The following USP8 variants were observed in gnomAD, a reference collection of about 807,000 sequenced individuals.
USP8 encodes the protein ubiquitin specific peptidase 8.
Under a neutral mutation model 130.0 loss-of-function variants are expected in USP8, and 27 were observed. That is an observed-to-expected ratio of 0.21 (90% CI 0.15 to 0.29). USP8 has a LOEUF of 0.29. Among genes scored for constraint, USP8 ranks in the 10% least tolerant of loss-of-function variants. USP8 has a pLI of 1.00. For missense variants in USP8, 1,029 were observed against 1,312.2 expected (o/e 0.78, Z 3.33); for synonymous variants, 392 against 444.1 (o/e 0.88, Z 1.48).
At chr15:50,463,357 CCT>C (rs948592984) in intron 6 of USP8, 2 of 152,204 alleles carry the variant, frequency 1.3e-5, no homozygotes, top group African/African-American at 4.8e-5. Flanking sequence ...GAGACGTTTT[CCT>C]CTCTCAGAAA....
intron 3 of USP8, among the ~76,000 whole-genome samples, chr15:50,442,158 G>T (rs1203656584): frequency 2.0e-5 from 3 of 151,878 alleles, no homozygotes; most frequent in Non-Finnish European, 4.4e-5. Flanking sequence ...ATTTTTGGTA[G>T]AGATGGGGTT....
Position 50,511,067 on chromosome 15 carries a change from C to G in USP8, c.*11979C>G, listed in dbSNP as rs1490160848. 2 of 152,180 alleles carry G rather than the reference C, an allele frequency of 1.3e-5. No homozygotes were observed. The allele number at this position is 152,180 out of a possible 1,614,324, so 9.4% of individuals were successfully genotyped here. A position where few individuals can be genotyped will look rare whatever the true frequency, so the allele number is the denominator to read the frequency against. On this transcript the variant is annotated 3_prime_UTR_variant, in exon 20 of 20. Transcript: ENST00000307179. ...TGCTGGGATTACAGGCGTCAGCCACCGTGCCCGGCCGATGTACACCAATGT... is the reference window on the plus strand; with the variant it reads ...TGCTGGGATTACAGGCGTCAGCCACGGTGCCCGGCCGATGTACACCAATGT...
chr15:50,473,089 G>A (rs749763891), intron 8 of USP8, among the ~76,000 whole-genome samples: 9 of 152,212 alleles, frequency 5.9e-5, no homozygotes, highest in Non-Finnish European at 1.3e-4. Flanking sequence ...TGAAATGCAA[G>A]TGGACGTAAC....
At chr15:50,493,587 C>T (rs2052261746) in intron 15 of USP8, 1 of 468,498 alleles carries the variant, frequency 2.1e-6, no homozygotes, top group Admixed American at 2.3e-5. Flanking sequence ...AACTCCGTCT[C>T]TACAAAAATT....
rs2052127116 is a variant in USP8, at chr15:50,490,676, T to C, written c.2234+151T>C. The C allele has an allele frequency of 1.7e-5, 18 of 1,057,964 alleles. 1 individual carries two copies. In the South Asian group the frequency reaches 3.0e-4, roughly 18 times the overall value. The allele number at this position is 1,057,964 out of a possible 1,614,324, so 65.5% of individuals were successfully genotyped here. A position where few individuals can be genotyped will look rare whatever the true frequency, so the allele number is the denominator to read the frequency against. On this transcript the variant is annotated intron_variant, in intron 14 of 19. Coordinates refer to ENST00000307179, the MANE Select transcript of USP8 (RefSeq NM_005154.5). ...TATTTACCACAGAGAACAAAACAAATGAATAGAGAAAATGTTGTTGGTTTT... is the reference window on the plus strand; with the variant it reads ...TATTTACCACAGAGAACAAAACAAACGAATAGAGAAAATGTTGTTGGTTTT...
intron 18 of USP8, chr15:50,498,264 C>A: frequency 5.3e-6 from 1 of 187,542 alleles, no homozygotes. Context: ...GTCATTCTTT[C>A]TTTTGTGGTG....
At chr15:50,481,012 T>G (rs1391357367) in intron 10 of USP8, among the ~76,000 whole-genome samples, 1 of 150,802 alleles carries the variant, frequency 6.6e-6, no homozygotes, top group South Asian at 2.1e-4. Context: ...TGTGCAACTA[T>G]TGGGAGAGTG....
intron 4 of USP8, among the ~76,000 whole-genome samples, chr15:50,455,403 T>TA (rs1491461107): frequency 1.1e-4 from 17 of 152,038 alleles, no homozygotes; most frequent in African/African-American, 3.1e-4. Flanking sequence ...TGTGTGGTTC[T>TA]TTTTTATAGC....
At chr15:50,459,306 G>A (rs1016192273) in intron 5 of USP8, 144 bp downstream of exon 5, 3 of 1,211,320 alleles carry the variant, frequency 2.5e-6, no homozygotes, top group East Asian at 2.8e-5. Flanking sequence ...ATTTAAGGCT[G>A]GGCACGGTGG....
At chr15:50,484,530 T>G (rs554232336) in intron 12 of USP8, among the ~76,000 whole-genome samples, 169 bp downstream of exon 12, 1 of 152,346 alleles carries the variant, frequency 6.6e-6, no homozygotes, top group East Asian at 1.9e-4. Flanking sequence ...ATCAATCCAT[T>G]TATATGCTAA....
At position 50,482,005 on chromosome 15, in the gene USP8, G is replaced by C; in HGVS notation, c.1743G>C (p.Gln581His). The change falls in exon 11 of 20, where the codon CAG becomes CAC. Residue 581 changes from glutamine (Q) to histidine (H), a missense_variant. By Grantham distance (24) the Gln-to-His change is conservative. Transcript: ENST00000307179. ...AAAGGTGTCCAACCCCAGAAATACA[G>C]AAAAAGTCAACAGGAGATGTGCCCC... ...RGKRCPTPEI[Q>H]KKSTGDVPHT... 1 of 1,575,458 alleles carries C rather than the reference G, an allele frequency of 6.3e-7. No homozygotes were observed. Among genetic ancestry groups the C allele is most frequent in the Non-Finnish European group, 8.6e-7 (1 of 1,168,016 alleles).
chr15:50,465,114 T>C lies in USP8; in HGVS notation c.609T>C (p.Asp203=), dbSNP rs749447985. The part of the protein sequence containing the change: ...TDKNISLIIM[D]ARRMQDYQDS... ...AAAACATCAGCTTGATTATAATGGA[T>C]GCTCGAAGAATGCAGGATTATCAGG... Residue 203 remains aspartate (D), a synonymous_variant, in exon 7 of 20, where the codon GAT becomes GAC. Coordinates refer to ENST00000307179, the MANE Select transcript of USP8 (RefSeq NM_005154.5). The C allele has an allele frequency of 1.5e-5, 24 of 1,613,964 alleles. 1 individual carries two copies. The South Asian group carries it at 2.4e-4, about 16-fold the overall frequency.
In USP8 at chr15:50,504,746, G is replaced by A. The variant is rs754719909; in HGVS notation, c.*5658G>A. The A allele has an allele frequency of 1.3e-5, 2 of 152,206 alleles. No individual in the cohort carries two copies. The highest frequency in any genetic ancestry group is 2.9e-5 in the Non-Finnish European group (2 of 68,128). The allele number at this position is 152,206 out of a possible 1,614,324, so 9.4% of individuals were successfully genotyped here. ...TGTAATCCTAGCACTTTGGGAGGCT[G>A]AGGCGGGTGGACCATGAGGTCAGGA... On this transcript the variant is annotated 3_prime_UTR_variant, in exon 20 of 20. Transcript: ENST00000307179.
chr15:50,498,083 A>G (rs1407813495), intron 18 of USP8, among the ~76,000 whole-genome samples: 2 of 152,236 alleles, frequency 1.3e-5, no homozygotes, highest in African/African-American at 2.4e-5. Flanking sequence ...AATATTTTCA[A>G]AATTATGAAA....
In USP8 at chr15:50,482,059, A is replaced by T. The variant is rs755657105; in HGVS notation, c.1797A>T (p.Ser599=). ...PHTSVTGDSG[S]GKPFKIKGQP... The stretch of plus-strand genomic sequence containing the variant: ...CATCTGTGACAGGGGATTCAGGTTC[A>T]GGCAAGGTAAGCAGAAACAGTACAA... The change falls in exon 11 of 20, where the codon TCA becomes TCT. Residue 599 remains serine (S), a synonymous_variant. Transcript: ENST00000307179. The T allele has an allele frequency of 6.7e-7, 1 of 1,498,324 alleles. No individual in the cohort carries two copies. Among genetic ancestry groups the T allele is most frequent in the East Asian group, 2.4e-5 (1 of 41,274 alleles). The allele number at this position is 1,498,324 out of a possible 1,614,324, so 92.8% of individuals were successfully genotyped here.
chr15:50,433,219 G>A (rs1180768726), intron 1 of USP8, among the ~76,000 whole-genome samples: 2 of 151,104 alleles, frequency 1.3e-5, no homozygotes, highest in Non-Finnish European at 2.9e-5. Context: ...GGGCGACAGA[G>A]TGAGACTCCG....
intron 3 of USP8, among the ~76,000 whole-genome samples, chr15:50,447,137 G>A (rs564714898): frequency 5.3e-5 from 8 of 152,282 alleles, no homozygotes; most frequent in Non-Finnish European, 1.2e-4. Context: ...AATAATATTT[G>A]TAAATGTCTG....
rs1350620682 is a variant in USP8 at position 50,508,270 on chromosome 15, T to A, written c.*9182T>A. On this transcript the variant is annotated 3_prime_UTR_variant, in exon 20 of 20. Coordinates refer to ENST00000307179, the MANE Select transcript of USP8 (RefSeq NM_005154.5). ...AGTAAATAGTAATGAAAATACTATA[T>A]CAAAACATGGGATGCACTGATGTCT... 1.3e-5 allele frequency: 2 copies of A among 152,096 alleles called. No homozygotes were observed. The highest frequency in any genetic ancestry group is 2.4e-5 in the African/African-American group (1 of 41,408). 9.4% of individuals were successfully genotyped at this position (152,096 alleles called of 1,614,324 possible). A position where few individuals can be genotyped will look rare whatever the true frequency, so the allele number is the denominator to read the frequency against.
Position 50,501,307 on chromosome 15 carries a change from A to C in USP8, c.*2219A>C, listed in dbSNP as rs1181735485. ...AGACTCCATATCTTTTAAAGGAAAA[A>C]AAAAAAAAAAAAAAAGATGAGCTAG... is the stretch of plus-strand genomic sequence containing the variant. On this transcript the variant is annotated 3_prime_UTR_variant, in exon 20 of 20. Coordinates refer to ENST00000307179, the MANE Select transcript of USP8 (RefSeq NM_005154.5). 1 of 153,924 alleles carries C rather than the reference A, an allele frequency of 6.5e-6. No individual in the cohort carries two copies. The highest frequency in any genetic ancestry group is 2.4e-5 in the African/African-American group (1 of 40,860). 9.5% of individuals were successfully genotyped at this position (153,924 alleles called of 1,614,324 possible). A position where few individuals can be genotyped will look rare whatever the true frequency, so the allele number is the denominator to read the frequency against.
Sources: allele counts gnomAD v4.1 joint callset (sites outside exome capture counted in the v4.1 genomes callset), GRCh38; gene constraint gnomAD v4.1.1; transcripts MANE v1.5; gene names NCBI Gene and HGNC (gene_info 2026-07-23, HGNC 2026-07-21).